The following PCDHA11 variants were observed in gnomAD, a reference collection of about 807,000 sequenced individuals.
PCDHA11 encodes protocadherin alpha-11.
A neutral mutation model predicts 70.3 loss-of-function variants in PCDHA11; 61 were observed. The ratio of observed to expected loss-of-function variants is 0.87; its 90% CI spans 0.71 to 1.07. The LOEUF (loss-of-function observed/expected upper bound fraction) is 1.07, where lower values mean the gene tolerates loss of function less well. Among genes scored for constraint, PCDHA11 ranks in the 50% least tolerant of loss-of-function variants. The probability of loss-of-function intolerance (pLI) is 0.00; values close to 1 mark genes in which losing one functional copy is unlikely to be tolerated. For synonymous variants in PCDHA11, 633 were observed against 555.1 expected, an observed-to-expected ratio of 1.14 and a Z score of -1.97; for missense variants, 1,324 against 1,237.5, an observed-to-expected ratio of 1.07 and a Z score of -1.05.
rs2096251050 is a variant in PCDHA11, at chr5:140,968,498, C to T, written c.2392-10451C>T. 3 of 1,614,190 alleles carry T rather than the reference C, an allele frequency of 1.9e-6. No individual in the cohort carries two copies. The highest frequency in any genetic ancestry group is 2.5e-6 in the Non-Finnish European group (3 of 1,180,042). The stretch of plus-strand genomic sequence containing the variant: ...GGTGGACATGAATGACCATGCCCCT[C>T]ACATTCTGTACCCTACCTCAACCAA... On this transcript the variant is annotated intron_variant, in intron 1 of 3. Coordinates refer to ENST00000398640, the MANE Select transcript of PCDHA11 (RefSeq NM_018902.5).
Position 140,884,467 on chromosome 5 carries a change from G to C in PCDHA11, c.2391+12973G>C, listed in dbSNP as rs199814121. 11 of 1,613,778 alleles carry C rather than the reference G, an allele frequency of 6.8e-6. No homozygotes were observed. The South Asian group carries it at 8.8e-5, about 13-fold the overall frequency. On this transcript the variant is annotated intron_variant, in intron 1 of 3. Transcript: ENST00000398640. ...CACCGCCCACCGAGGGCGCGTGCGC[G>C]CCGGGCAAGCCCACTCTAGTGTGCT...
chr5:140,894,675 A>G lies in PCDHA11; in HGVS notation c.2391+23181A>G, dbSNP rs78197412. Reference sequence around the variant, plus strand: ...CTAATTCTGATTTGTGTATTCTTGCATAGCTTTTCATTATTTTCTAAAAAT... The same window carrying G: ...CTAATTCTGATTTGTGTATTCTTGCGTAGCTTTTCATTATTTTCTAAAAAT... On this transcript the variant is annotated intron_variant, in intron 1 of 3. Coordinates refer to ENST00000398640, the MANE Select transcript of PCDHA11 (RefSeq NM_018902.5). 4.6e-3 allele frequency among the ~76,000 whole-genome samples: 702 copies of G among 151,998 alleles called. 3 individuals carry two copies. The highest frequency in any genetic ancestry group is 0.016 in the African/African-American group (679 of 41,480).
chr5:141,008,999 G>A (rs1389698923), intron 3 of PCDHA11, among the ~76,000 whole-genome samples: 1 of 152,200 alleles, frequency 6.6e-6, no homozygotes, highest in African/African-American at 2.4e-5. Context: ...ACTAAAAGGA[G>A]CATATTTTGC....
intron 1 of PCDHA11, among the ~76,000 whole-genome samples, chr5:140,912,103 G>A (rs1431283462): frequency 6.6e-6 from 1 of 152,212 alleles, no homozygotes; most frequent in Non-Finnish European, 1.5e-5. Context: ...GGAGAAAGAT[G>A]TAGGCTGGGA....
chr5:140,878,060 T>C (rs1251415258), intron 1 of PCDHA11: 2 of 426,090 alleles, frequency 4.7e-6, no homozygotes, highest in Non-Finnish European at 7.6e-6. Flanking sequence ...CCACACTTAA[T>C]ATTTTTCTTT....
chr5:140,938,086 TTTA>T (rs1189650554), intron 1 of PCDHA11, among the ~76,000 whole-genome samples: 6 of 152,142 alleles, frequency 3.9e-5, no homozygotes, highest in African/African-American at 1.4e-4. Flanking sequence ...TAATGTTAGT[TTTA>T]TTATTGTATT....
chr5:140,939,510 A>G (rs2092401222), intron 1 of PCDHA11, among the ~76,000 whole-genome samples: 1 of 150,724 alleles, frequency 6.6e-6, no homozygotes, highest in Admixed American at 6.6e-5. Flanking sequence ...TGTCTATAAC[A>G]TTAATAGTTA....
Position 140,870,720 on chromosome 5 carries a change from G to A in PCDHA11, c.1617G>A (p.Ala539=), listed in dbSNP as rs544150374. ...LLQFQVSARD[A]GVPPLSSNVT... is the part of the protein sequence containing the mutation. ...AGTTCCAGGTGAGCGCGCGCGATGC[G>A]GGCGTGCCGCCTCTGAGCAGCAACG... The change falls in exon 1 of 4, where the codon GCG becomes GCA. Residue 539 remains alanine (A), a synonymous_variant. Coordinates refer to ENST00000398640, the MANE Select transcript of PCDHA11 (RefSeq NM_018902.5). The A allele has an allele frequency of 3.7e-6, 6 of 1,613,204 alleles. No homozygotes were observed. In the East Asian group the frequency reaches 6.7e-5, roughly 18 times the overall value.
At chr5:140,900,058 C>G (rs1013599044) in intron 1 of PCDHA11, among the ~76,000 whole-genome samples, 1 of 152,160 alleles carries the variant, frequency 6.6e-6, no homozygotes, top group Non-Finnish European at 1.5e-5. Flanking sequence ...GATCCTTTAA[C>G]CTCAGCCTCC....
At chr5:140,882,112 C>T (rs1399071152) in intron 1 of PCDHA11, 2 of 1,384,570 alleles carry the variant, frequency 1.4e-6, no homozygotes, top group Non-Finnish European at 1.9e-6. Flanking sequence ...CGAAGAAAGC[C>T]GCCGTTTCTT....
At chr5:140,894,554 G>GA (rs1204407145) in intron 1 of PCDHA11, among the ~76,000 whole-genome samples, 2 of 151,600 alleles carry the variant, frequency 1.3e-5, no homozygotes, top group Non-Finnish European at 2.9e-5. Flanking sequence ...GTTTACTTCT[G>GA]AAAAAATTAT....
intron 1 of PCDHA11, chr5:140,877,446 G>T: frequency 6.2e-7 from 1 of 1,613,856 alleles, no homozygotes; most frequent in Non-Finnish European, 8.5e-7. Flanking sequence ...GTGAGCCCGC[G>T]CTGACGTCCA....
At chr5:140,883,466 A>G (rs782104317) in intron 1 of PCDHA11, 43 of 1,614,010 alleles carry the variant, frequency 2.7e-5, no homozygotes, top group Non-Finnish European at 3.5e-5. Context: ...GCTGGTGTCC[A>G]CCTACAAGAA....
In PCDHA11 at chr5:141,010,640, G is replaced by A. The variant is rs2098417874; in HGVS notation, c.*703G>A. The A allele has an allele frequency of 5.6e-6, 1 of 179,322 alleles. No homozygotes were observed. Among genetic ancestry groups the A allele is most frequent in the South Asian group, 1.4e-4 (1 of 7,048 alleles). 11.1% of individuals were successfully genotyped at this position (179,322 alleles called of 1,614,324 possible). A position where few individuals can be genotyped will look rare whatever the true frequency, so the allele number is the denominator to read the frequency against. On this transcript the variant is annotated 3_prime_UTR_variant, in exon 4 of 4. Transcript: ENST00000398640. ...TCTGCATCATACCTGCAAGCCAACA[G>A]TTCAGTGTTTTAACAGAGAACCACC...
intron 1 of PCDHA11, 73 bp from the exon 2 acceptor site, chr5:140,978,876 A>G: frequency 6.2e-7 from 1 of 1,609,510 alleles, no homozygotes; most frequent in Non-Finnish European, 8.5e-7. Flanking sequence ...GGGAGTAACT[A>G]ATCAATTAGC....
chr5:140,900,518 C>G (rs1444768233), intron 1 of PCDHA11, among the ~76,000 whole-genome samples: 1 of 152,228 alleles, frequency 6.6e-6, no homozygotes, highest in Admixed American at 6.5e-5. Flanking sequence ...CTCAGGTGAT[C>G]TGCCCACCTC....
At chr5:140,960,855 A>T (rs1363929142) in intron 1 of PCDHA11, among the ~76,000 whole-genome samples, 1 of 152,204 alleles carries the variant, frequency 6.6e-6, no homozygotes, top group Non-Finnish European at 1.5e-5. Context: ...GGCAACTATA[A>T]GCCAGAAATT....
At chr5:140,927,033 G>T in intron 1 of PCDHA11, 1 of 1,612,344 alleles carries the variant, frequency 6.2e-7, no homozygotes, top group Non-Finnish European at 8.5e-7. Context: ...GGCTGCCAGC[G>T]GCCGCTATGT....
chr5:141,006,275 G>A (rs782763386), intron 3 of PCDHA11, among the ~76,000 whole-genome samples: 1 of 151,772 alleles, frequency 6.6e-6, no homozygotes. Flanking sequence ...GCAGTGGCAC[G>A]ATCTCAGCTC....
Sources: allele counts gnomAD v4.1 joint callset (sites outside exome capture counted in the v4.1 genomes callset), GRCh38; gene constraint gnomAD v4.1.1; transcripts MANE v1.5; gene names NCBI Gene and HGNC (gene_info 2026-07-23, HGNC 2026-07-21).